Variants in WIPF1 observed in about 807,000 individuals in gnomAD.
The protein encoded by WIPF1 is WAS/WASL-interacting protein family member 1.
WIPF1 carries 13 observed loss-of-function variants against 35.4 expected under a neutral mutation model. The ratio of observed to expected loss-of-function variants is 0.37; its 90% CI spans 0.24 to 0.58. WIPF1 has a LOEUF of 0.58. Ranked by LOEUF, WIPF1 falls within the 20% of genes least tolerant of loss-of-function variation. The pLI is 0.74. For synonymous variants in WIPF1, 267 were observed against 266.3 expected (o/e 1.00, Z -0.02); for missense variants, 591 against 667.0 (o/e 0.89, Z 1.25).
In WIPF1 at chr2:174,562,042, A is replaced by C; in HGVS notation, c.*505T>G. ...TTTCTATTGGACAGCTCTGTCCTAG[A>C]GCCAAGCTCGGACTGCCAAAGATTG... is the stretch of plus-strand genomic sequence containing the variant. On this transcript the variant is annotated 3_prime_UTR_variant, in exon 8 of 8. Transcript: ENST00000679041. 6.5e-7 allele frequency: 1 copy of C among 1,549,094 alleles called. No homozygotes were observed. The highest frequency in any genetic ancestry group is 8.7e-7 in the Non-Finnish European group (1 of 1,145,654).
At chr2:174,596,805 T>G in intron 1 of WIPF1, among the ~76,000 whole-genome samples, 1 of 152,200 alleles carries the variant, frequency 6.6e-6, no homozygotes, top group East Asian at 1.9e-4. Context: ...TTTTAAAGCT[T>G]TATTTTATAT....
chr2:174,657,546 G>GA (rs1206057141), intron 1 of WIPF1, among the ~76,000 whole-genome samples: 3 of 152,090 alleles, frequency 2.0e-5, no homozygotes, highest in African/African-American at 7.2e-5. Context: ...GTCCACTAGT[G>GA]AAACTGAACA....
intron 1 of WIPF1, among the ~76,000 whole-genome samples, chr2:174,670,188 C>T (rs1353965917): frequency 6.6e-6 from 1 of 151,998 alleles, no homozygotes; most frequent in Non-Finnish European, 1.5e-5. Context: ...TCACTCCCTG[C>T]CCCCCCATCC....
chr2:174,572,788 G>A (rs1684918844), intron 4 of WIPF1, among the ~76,000 whole-genome samples: 1 of 152,128 alleles, frequency 6.6e-6, no homozygotes, highest in Admixed American at 6.5e-5. Context: ...AGATGGCATT[G>A]GTAGAATCAT....
intron 1 of WIPF1, among the ~76,000 whole-genome samples, chr2:174,654,742 T>C (rs1687607284): frequency 6.6e-6 from 1 of 152,072 alleles, no homozygotes; most frequent in Non-Finnish European, 1.5e-5. Context: ...CCAATTCCTC[T>C]CACCTTTGCG....
chr2:174,608,016 A>G (rs888189372), intron 1 of WIPF1, among the ~76,000 whole-genome samples: 1 of 152,198 alleles, frequency 6.6e-6, no homozygotes, highest in African/African-American at 2.4e-5. Context: ...GCTCTCCAAA[A>G]AGACCTGGGG....
rs373842986 is a variant in WIPF1, at chr2:174,640,567, T to C, written c.-39+42207A>G. Among the ~76,000 whole-genome samples, 19 of 152,034 alleles carry C rather than the reference T, an allele frequency of 1.2e-4. 1 individual carries two copies. In the South Asian group the frequency reaches 3.9e-3, roughly 32 times the overall value. On this transcript the variant is annotated intron_variant, in intron 1 of 8. Coordinates refer to the WIPF1 transcript ENST00000272746. ...GAGGACACAAATATATGAAAAGATA[T>C]CCCATGTACATGGATTTTATATTTT... is the stretch of plus-strand genomic sequence containing the variant.
chr2:174,627,642 G>A (rs921729820), intron 1 of WIPF1, among the ~76,000 whole-genome samples: 3 of 151,668 alleles, frequency 2.0e-5, no homozygotes, highest in African/African-American at 7.3e-5. Flanking sequence ...GACCTGCTGG[G>A]CTCAAGTGAT....
At chr2:174,580,075 C>T (rs1423927387) in intron 3 of WIPF1, among the ~76,000 whole-genome samples, 2 of 151,924 alleles carry the variant, frequency 1.3e-5, no homozygotes, top group Non-Finnish European at 2.9e-5. Flanking sequence ...CTCAGCCTCC[C>T]GAGTAGCTGG....
rs774603927 is a variant in WIPF1 at position 174,571,729 on chromosome 2, G to C, written c.1076C>G (p.Pro359Arg). The C allele has an allele frequency of 6.2e-7, 1 of 1,614,190 alleles. No individual in the cohort carries two copies. Among genetic ancestry groups the C allele is most frequent in the South Asian group, 1.1e-5 (1 of 91,084 alleles). The change falls in exon 5 of 8, where the codon CCC becomes CGC. Residue 359 changes from proline to arginine, a missense_variant. This residue lies in a region of WIPF1 where 471 missense variants were observed against 501.1 expected (regional missense o/e 0.94). Transcript: ENST00000679041. The surrounding 1 kb of genome is among the most constrained non-coding windows in gnomAD (Gnocchi z 4.6). ...AGGTGGGGGTCTCTCACTGGGCGGG[G>C]GAGGAAGAGGACCTGAACGTCCTGG... Reference protein sequence around the residue: ...PSPGRSGPLPPPPSERPPPPV... With the variant: ...PSPGRSGPLPRPPSERPPPPV...
chr2:174,606,175 C>T (rs1199957522), intron 1 of WIPF1, among the ~76,000 whole-genome samples: 1 of 152,174 alleles, frequency 6.6e-6, no homozygotes, highest in African/African-American at 2.4e-5. Flanking sequence ...TAGATCAGCA[C>T]TGTTCAGTAG....
chr2:174,603,309 G>A (rs145205617), intron 1 of WIPF1, among the ~76,000 whole-genome samples: 11 of 152,252 alleles, frequency 7.2e-5, no homozygotes, highest in African/African-American at 2.2e-4. Context: ...GTATGGTCAC[G>A]TTTTCTATCA....
At chr2:174,585,407 T>C (rs1225123922) in intron 2 of WIPF1, 116 bp downstream of exon 2, 18 of 1,077,510 alleles carry the variant, frequency 1.7e-5, no homozygotes, top group Non-Finnish European at 2.5e-5. Context: ...GGAAAGCCTG[T>C]TGTATCACAT....
chr2:174,567,079 C>T lies in WIPF1; in HGVS notation c.1447G>A (p.Glu483Lys), dbSNP rs1684684917. 3.1e-6 allele frequency: 5 copies of T among 1,614,154 alleles called. No homozygotes were observed. The highest frequency in any genetic ancestry group is 4.2e-6 in the Non-Finnish European group (5 of 1,180,010). ...TGGCAGAAATACTCACTCCGGCTTT[C>T]GTTTCTTGCCAGTTTGCTGGGATAA... ...KSYPSKLARN[E>K]SRSGSNRRER... The change falls in exon 7 of 8, where the codon GAA becomes AAA. Residue 483 changes from glutamate (E) to lysine (K), a missense_variant. Transcript: ENST00000679041.
At chr2:174,638,806 C>T (rs2105944722) in intron 1 of WIPF1, among the ~76,000 whole-genome samples, 1 of 152,256 alleles carries the variant, frequency 6.6e-6, no homozygotes, top group Non-Finnish European at 1.5e-5. Flanking sequence ...TACGCAGATT[C>T]CCACATCTTG....
chr2:174,643,330 T>C (rs1559170588), intron 1 of WIPF1, among the ~76,000 whole-genome samples: 1 of 149,616 alleles, frequency 6.7e-6, no homozygotes, highest in Non-Finnish European at 1.5e-5. Context: ...GATGAAATAT[T>C]GAAAGCATTT....
chr2:174,606,481 CA>C (rs374423357), intron 1 of WIPF1, among the ~76,000 whole-genome samples: 5 of 152,168 alleles, frequency 3.3e-5, no homozygotes, highest in African/African-American at 1.2e-4. Flanking sequence ...CCACACTGGG[CA>C]ACACAACTCT....
intron 1 of WIPF1, among the ~76,000 whole-genome samples, chr2:174,638,314 A>G (rs1467466949): frequency 1.3e-5 from 2 of 152,232 alleles, no homozygotes; most frequent in Non-Finnish European, 2.9e-5. Flanking sequence ...GTACAATGTG[A>G]TATTTTGATA....
chr2:174,599,817 ATCTCTCTCTCTC>A (rs60827805), upstream of WIPF1, among the ~76,000 whole-genome samples: 1 of 139,350 alleles, frequency 7.2e-6, no homozygotes, highest in Non-Finnish European at 1.6e-5. Flanking sequence ...CTCTCTAGCT[ATCTCTCTCTCTC>A]TCTCTCTCTC....
Sources: gnomAD v4.1 joint callset for allele counts (sites outside exome capture counted in the v4.1 genomes callset) on GRCh38, gnomAD v4.1.1 for gene constraint, gnomAD v4.1.1 regional missense constraint, Gnocchi (gnomAD v3.1) non-coding constraint, MANE v1.5 for transcripts, NCBI Gene and HGNC (gene_info 2026-07-23, HGNC 2026-07-21) for gene names.